The following STXBP5L variants were observed in gnomAD, a reference collection of about 807,000 sequenced individuals.
The protein encoded by STXBP5L is syntaxin-binding protein 5-like.
Under a neutral mutation model 144.5 loss-of-function variants are expected in STXBP5L, and 65 were observed. The observed-to-expected ratio is 0.45, with a 90% CI of 0.37 to 0.55. STXBP5L has a LOEUF of 0.55. Among genes scored for constraint, STXBP5L ranks in the 20% least tolerant of loss-of-function variants. The probability of loss-of-function intolerance (pLI) is 0.00; values close to 1 mark genes in which losing one functional copy is unlikely to be tolerated. For synonymous variants in STXBP5L, 505 were observed against 469.6 expected (o/e 1.08, Z -0.97); for missense variants, 1,298 against 1,405.5 (o/e 0.92, Z 1.22).
chr3:121,386,866 C>T (rs1415440791), intron 22 of STXBP5L, among the ~76,000 whole-genome samples: 6 of 152,254 alleles, frequency 3.9e-5, no homozygotes, highest in East Asian at 1.9e-4. Flanking sequence ...AATAAACATA[C>T]GTGTGCATGC....
intron 9 of STXBP5L, among the ~76,000 whole-genome samples, chr3:121,174,013 T>C (rs1193515112): frequency 1.3e-5 from 2 of 152,122 alleles, no homozygotes; most frequent in Non-Finnish European, 2.9e-5. Flanking sequence ...GCTGGAGAGA[T>C]GAACTGCTCA....
chr3:120,977,274 G>A (rs1941165528), intron 3 of STXBP5L, among the ~76,000 whole-genome samples: 1 of 152,162 alleles, frequency 6.6e-6, no homozygotes, highest in Non-Finnish European at 1.5e-5. Context: ...TCTTCTTGTT[G>A]AATTGATCCC....
chr3:121,039,420 C>T (rs1946986081), intron 3 of STXBP5L, among the ~76,000 whole-genome samples: 1 of 151,726 alleles, frequency 6.6e-6, no homozygotes. Context: ...CATTTTACTT[C>T]TACATACGTT....
At chr3:121,063,744 G>A (rs1254373384) in intron 5 of STXBP5L, among the ~76,000 whole-genome samples, 1 of 152,114 alleles carries the variant, frequency 6.6e-6, no homozygotes, top group East Asian at 1.9e-4. Context: ...GTGGAGCTGT[G>A]GTGGGCTCCA....
chr3:121,289,703 C>T (rs2051357486), intron 19 of STXBP5L, among the ~76,000 whole-genome samples: 1 of 152,114 alleles, frequency 6.6e-6, no homozygotes, highest in African/African-American at 2.4e-5. Context: ...ATCAAGTACT[C>T]TCTCAGACCA....
chr3:121,301,145 C>G (rs1433725838), intron 19 of STXBP5L, among the ~76,000 whole-genome samples: 2 of 152,090 alleles, frequency 1.3e-5, no homozygotes, highest in Non-Finnish European at 2.9e-5. Context: ...GGCAGTATGG[C>G]CATTTTCACG....
At chr3:121,172,873 A>G (rs1458989941) in intron 9 of STXBP5L, among the ~76,000 whole-genome samples, 1 of 152,222 alleles carries the variant, frequency 6.6e-6, no homozygotes, top group Non-Finnish European at 1.5e-5. Flanking sequence ...ATAAAGACAC[A>G]TGCACATGTA....
intron 22 of STXBP5L, among the ~76,000 whole-genome samples, chr3:121,392,943 TAGC>T (rs1200178770): frequency 6.6e-6 from 1 of 151,760 alleles, no homozygotes; most frequent in African/African-American, 2.4e-5. Flanking sequence ...TTTGTATAAA[TAGC>T]AGGTAGTGGG....
chr3:121,133,068 T>G (rs2045070501), intron 7 of STXBP5L, among the ~76,000 whole-genome samples: 1 of 152,132 alleles, frequency 6.6e-6, no homozygotes, highest in African/African-American at 2.4e-5. Context: ...ACCAGAAGGC[T>G]TATTTAAACA....
At chr3:121,310,266 A>C (rs2043479368) in intron 19 of STXBP5L, among the ~76,000 whole-genome samples, 1 of 152,236 alleles carries the variant, frequency 6.6e-6, no homozygotes. Flanking sequence ...AAAAATAATA[A>C]ATTTTTCTTC....
chr3:120,951,222 C>A (rs1055385207), intron 2 of STXBP5L, among the ~76,000 whole-genome samples: 2 of 152,148 alleles, frequency 1.3e-5, no homozygotes, highest in African/African-American at 4.8e-5. Flanking sequence ...CTAGGCATTA[C>A]CATTCAGGAC....
chr3:121,027,477 C>A (rs1411527909), intron 3 of STXBP5L, among the ~76,000 whole-genome samples: 1 of 152,030 alleles, frequency 6.6e-6, no homozygotes, highest in Non-Finnish European at 1.5e-5. Flanking sequence ...AGCTGCACTT[C>A]TTTCTGGAGG....
At chr3:121,300,739 G>T (rs2051861797) in intron 19 of STXBP5L, among the ~76,000 whole-genome samples, 1 of 151,656 alleles carries the variant, frequency 6.6e-6, no homozygotes, top group Non-Finnish European at 1.5e-5. Flanking sequence ...ACAAAAAAAA[G>T]AACTGAGGGG....
chr3:121,355,916 T>C (rs1346730970), intron 20 of STXBP5L, among the ~76,000 whole-genome samples: 2 of 152,230 alleles, frequency 1.3e-5, no homozygotes, highest in Non-Finnish European at 2.9e-5. Context: ...TTCCTTTCTG[T>C]TTGTTAGTTT....
chr3:120,987,754 A>T (rs1055194382), intron 3 of STXBP5L, among the ~76,000 whole-genome samples: 3 of 151,660 alleles, frequency 2.0e-5, no homozygotes, highest in Admixed American at 6.6e-5. Context: ...TATTAGTTTT[A>T]TTAATATTTT....
At chr3:121,380,598 T>G (rs1486783921) in intron 21 of STXBP5L, among the ~76,000 whole-genome samples, 1 of 152,062 alleles carries the variant, frequency 6.6e-6, no homozygotes, top group Non-Finnish European at 1.5e-5. Context: ...ATCCTGTTTT[T>G]TTTTTTAAGT....
chr3:121,076,017 C>T (rs1249032631), intron 5 of STXBP5L, among the ~76,000 whole-genome samples: 2 of 152,216 alleles, frequency 1.3e-5, no homozygotes, highest in Non-Finnish European at 2.9e-5. Context: ...GAGCCTGAGG[C>T]TTCTCTGTAT....
intron 18 of STXBP5L, among the ~76,000 whole-genome samples, chr3:121,260,426 A>G (rs2050346364): frequency 6.6e-6 from 1 of 151,962 alleles, no homozygotes; most frequent in African/African-American, 2.4e-5. Context: ...ATTTTTTGTT[A>G]TCTTTTATGG....
intron 10 of STXBP5L, among the ~76,000 whole-genome samples, chr3:121,218,428 C>T (rs961893545): frequency 6.9e-4 from 102 of 148,620 alleles, no homozygotes; most frequent in Non-Finnish European, 2.5e-4. Flanking sequence ...TAAACAAATG[C>T]GATTTGTTTG....
Sources: allele counts gnomAD v4.1 joint callset (sites outside exome capture counted in the v4.1 genomes callset), GRCh38; gene constraint gnomAD v4.1.1; transcripts MANE v1.5; gene names NCBI Gene and HGNC (gene_info 2026-07-23, HGNC 2026-07-21).